USP49: variants seen among roughly 807,000 people sequenced by gnomAD.
USP49 encodes ubiquitin specific peptidase 49.
USP49 carries 24 observed loss-of-function variants against 58.6 expected under a neutral mutation model. The ratio of observed to expected loss-of-function variants is 0.41; its 90% CI spans 0.30 to 0.58. USP49 has a LOEUF of 0.58. Ranked by LOEUF, USP49 falls within the 20% of genes least tolerant of loss-of-function variation. The probability of loss-of-function intolerance (pLI) is 0.30; values close to 1 mark genes in which losing one functional copy is unlikely to be tolerated. For synonymous variants in USP49, 408 were observed against 365.1 expected (o/e 1.12, Z -1.34); for missense variants, 703 against 866.1 (o/e 0.81, Z 2.36).
In USP49 at chr6:41,806,027, A is replaced by T; in HGVS notation, c.957T>A (p.Asn319Lys). The part of the protein sequence containing the change: ...NSSATELSLR[N>K]DRAEACEREG... The stretch of plus-strand genomic sequence containing the variant: ...CCCGCTCGCATGCCTCGGCCCTGTC[A>T]TTTCTCAAGGACAGCTCCGTGGCCG... The change falls in exon 4 of 8, where the codon AAT (asparagine) becomes AAA (lysine). Residue 319 changes from asparagine (N) to lysine (K), a missense_variant. By Grantham distance (94) the Asn-to-Lys change is moderately conservative. Around this residue, in one of 6 missense-constraint regions of USP49, gnomAD observed 97 missense variants for 88.0 expected, o/e 1.10. Transcript: ENST00000682992. This position sits in a 1 kb window ranked among gnomAD's most constrained non-coding sequence, Gnocchi z 5.9. 6.2e-7 allele frequency: 1 copy of T among 1,613,950 alleles called. No homozygotes were observed. The highest frequency in any genetic ancestry group is 8.5e-7 in the Non-Finnish European group (1 of 1,180,016).
At chr6:41,804,914 AATTT>A (rs928879879) in intron 4 of USP49, among the ~76,000 whole-genome samples, 1 of 151,878 alleles carries the variant, frequency 6.6e-6, no homozygotes, top group African/African-American at 2.4e-5. Context: ...ACGCCCGGCT[AATTT>A]TGTATTTTTA....
At position 41,806,419 on chromosome 6, in the gene USP49, G is replaced by A. The variant is rs1466740375; in HGVS notation, c.565C>T (p.Arg189Trp). The change falls in exon 4 of 8, where the codon CGG becomes TGG. Residue 189 changes from arginine to tryptophan, a missense_variant. Coordinates refer to ENST00000682992, the MANE Select transcript of USP49 (RefSeq NM_001286554.2). This position sits in a 1 kb window ranked among gnomAD's most constrained non-coding sequence, Gnocchi z 5.9. Reference protein sequence around the residue: ...ERKKEEARRRRREVKRRLLEE... With the variant: ...ERKKEEARRRWREVKRRLLEE... ...AGCAGCCGCCGTTTCACCTCGCGCC[G>A]CCGCCTCCGCGCCTCCTCCTTCTTG... 3 of 1,574,022 alleles carry A rather than the reference G, an allele frequency of 1.9e-6. No individual in the cohort carries two copies. Among genetic ancestry groups the A allele is most frequent in the South Asian group, 1.1e-5 (1 of 87,424 alleles).
At chr6:41,797,858 G>C (rs1216291367) in intron 7 of USP49, 42 of 958,238 alleles carry the variant, frequency 4.4e-5, no homozygotes, top group Non-Finnish European at 5.2e-5. Context: ...CTATGTGGTA[G>C]GCAACTGCTC....
intron 3 of USP49, among the ~76,000 whole-genome samples, chr6:41,840,802 AT>A (rs1224936624): frequency 6.6e-6 from 1 of 152,092 alleles, no homozygotes; most frequent in Non-Finnish European, 1.5e-5. Context: ...GTAATGTCTA[AT>A]TTTTAAAAAA....
chr6:41,802,432 A>ATTTTATTTTATTTT (rs772710803), intron 5 of USP49, among the ~76,000 whole-genome samples: 1 of 58,796 alleles, frequency 1.7e-5, no homozygotes, highest in East Asian at 4.1e-4. Flanking sequence ...ATTTTATTTT[A>ATTTTATTTTATTTT]TTTATTTATT....
intron 3 of USP49, chr6:41,869,837 G>T (rs1168288677): frequency 6.6e-6 from 1 of 152,086 alleles, no homozygotes; most frequent in Non-Finnish European, 1.5e-5. Flanking sequence ...TGCTTTACAA[G>T]ATACTTTTAC....
chr6:41,841,729 C>T (rs529522792), intron 3 of USP49, among the ~76,000 whole-genome samples: 158 of 152,232 alleles, frequency 1.0e-3, no homozygotes, highest in African/African-American at 3.7e-3. Flanking sequence ...AGATTAGTCA[C>T]ATGATACAAC....
intron 3 of USP49, among the ~76,000 whole-genome samples, chr6:41,845,689 C>A (rs895716868): frequency 2.6e-5 from 4 of 152,074 alleles, no homozygotes; most frequent in Non-Finnish European, 4.4e-5. Context: ...CACAGTGAGA[C>A]CCTGTCTCTA....
rs1772915275 is a variant in USP49, at chr6:41,797,938, G to A, written c.1876+786C>T. The A allele has an allele frequency of 5.5e-5, 31 of 561,560 alleles. No individual in the cohort carries two copies. The South Asian group carries it at 2.1e-3, about 38-fold the overall frequency. The allele number at this position is 561,560 out of a possible 1,614,324, so 34.8% of individuals were successfully genotyped here. A position where few individuals can be genotyped will look rare whatever the true frequency, so the allele number is the denominator to read the frequency against. Reference sequence around the variant, plus strand: ...GCTAGAATGCAGTGGTGAAATCATAGCTCATTGCAACTTCAAACTCCTGGG... The same window carrying A: ...GCTAGAATGCAGTGGTGAAATCATAACTCATTGCAACTTCAAACTCCTGGG... On this transcript the variant is annotated intron_variant, in intron 7 of 7. Coordinates refer to ENST00000682992, the MANE Select transcript of USP49 (RefSeq NM_001286554.2).
Position 41,849,023 on chromosome 6 carries a change from C to T in USP49, c.-29+22541G>A, listed in dbSNP as rs536186447. ...CAGTAATTAACTTTAAATGTAAAGTCATATATTGACTGGAGTTAAAAAAGG... is the reference window on the plus strand; with the variant it reads ...CAGTAATTAACTTTAAATGTAAAGTTATATATTGACTGGAGTTAAAAAAGG... On this transcript the variant is annotated intron_variant, in intron 3 of 7. Coordinates refer to ENST00000682992, the MANE Select transcript of USP49 (RefSeq NM_001286554.2). 4.6e-5 allele frequency among the ~76,000 whole-genome samples: 7 copies of T among 152,110 alleles called. No homozygotes were observed. In the South Asian group the frequency reaches 8.3e-4, roughly 18 times the overall value.
intron 3 of USP49, among the ~76,000 whole-genome samples, chr6:41,817,463 T>G (rs1164388425): frequency 7.0e-6 from 1 of 141,858 alleles, no homozygotes; most frequent in Admixed American, 7.0e-5. Flanking sequence ...CTTTCTTTTT[T>G]TTTTTTTTTT....
At chr6:41,827,809 C>T (rs1773567688) in intron 3 of USP49, among the ~76,000 whole-genome samples, 1 of 151,680 alleles carries the variant, frequency 6.6e-6, no homozygotes, top group African/African-American at 2.4e-5. Context: ...TGTTCTGAAA[C>T]TTAATATATG....
At chr6:41,874,783 G>A (rs1302373411) in intron 2 of USP49, among the ~76,000 whole-genome samples, 1 of 152,090 alleles carries the variant, frequency 6.6e-6, no homozygotes, top group African/African-American at 2.4e-5. Flanking sequence ...GGCAACACAG[G>A]GAGACCCTAC....
At position 41,793,828 on chromosome 6, in the gene USP49, A is replaced by T. The variant is rs1772841172; in HGVS notation, c.*2705T>A. 1 of 152,228 alleles carries T rather than the reference A, an allele frequency of 6.6e-6. No individual in the cohort carries two copies. Among genetic ancestry groups the T allele is most frequent in the Admixed American group, 6.5e-5 (1 of 15,288 alleles). 9.4% of individuals were successfully genotyped at this position (152,228 alleles called of 1,614,324 possible). A position where few individuals can be genotyped will look rare whatever the true frequency, so the allele number is the denominator to read the frequency against. On this transcript the variant is annotated 3_prime_UTR_variant, in exon 8 of 8. Transcript: ENST00000682992. ...TGGCTGGCTACAGCAGCAAGTAAACATGCCAGCCAACTAACTACAAAGGGT... is the reference window on the plus strand; with the variant it reads ...TGGCTGGCTACAGCAGCAAGTAAACTTGCCAGCCAACTAACTACAAAGGGT...
chr6:41,802,459 TATTTATTTATTTTTTATTTA>T lies in USP49; in HGVS notation c.1561+1327_1561+1346del, dbSNP rs1446273178. Among the ~76,000 whole-genome samples, 164 of 97,522 alleles carry T rather than the reference TATTTATTTATTTTTTATTTA, an allele frequency of 1.7e-3. 4 individuals carry two copies. The South Asian group carries it at 0.048, about 29-fold the overall frequency. 64.0% of individuals were successfully genotyped at this position (97,522 alleles called of 152,430 possible). A position where few individuals can be genotyped will look rare whatever the true frequency, so the allele number is the denominator to read the frequency against. On this transcript the variant is annotated intron_variant, in intron 5 of 7. Transcript: ENST00000682992. ...TTATTTATTTATTTATTTATTTATT[TATTTATTTATTTTTTATTTA>T]TTTTTTTTTTTTGAGACAGCATCTC...
At chr6:41,799,463 A>G (rs1368560113) in intron 6 of USP49, among the ~76,000 whole-genome samples, 3 of 152,226 alleles carry the variant, frequency 2.0e-5, no homozygotes, top group African/African-American at 7.2e-5. Flanking sequence ...TCCCTAAACA[A>G]GCAATTCAAG....
intron 3 of USP49, among the ~76,000 whole-genome samples, chr6:41,846,358 A>G (rs577119764): frequency 1.3e-4 from 20 of 152,266 alleles, no homozygotes; most frequent in African/African-American, 4.8e-4. Context: ...TAGAGGAGTG[A>G]TATCAACAAG....
intron 3 of USP49, among the ~76,000 whole-genome samples, chr6:41,842,446 C>T (rs912013888): frequency 6.6e-6 from 1 of 152,062 alleles, no homozygotes; most frequent in African/African-American, 2.4e-5. Flanking sequence ...TTGTGCCAAA[C>T]CTGTGGTCTG....
At chr6:41,798,468 G>T (rs1325161829) in intron 7 of USP49, 7 of 988,990 alleles carry the variant, frequency 7.1e-6, no homozygotes, top group Non-Finnish European at 2.8e-6. Context: ...TAGAGACGGG[G>T]TTTAACCATG....
Sources: allele counts gnomAD v4.1 joint callset (sites outside exome capture counted in the v4.1 genomes callset), GRCh38; gene constraint gnomAD v4.1.1; regional missense constraint gnomAD v4.1.1; non-coding constraint Gnocchi (gnomAD v3.1); transcripts MANE v1.5; gene names NCBI Gene and HGNC (gene_info 2026-07-23, HGNC 2026-07-21).